The following COLGALT2 variants were observed in gnomAD, a reference collection of about 807,000 sequenced individuals.
COLGALT2 encodes collagen beta(1-O)galactosyltransferase 2.
In COLGALT2, 49 loss-of-function variants were observed where a neutral mutation model predicts 73.4. The ratio of observed to expected loss-of-function variants is 0.67; its 90% CI spans 0.53 to 0.85. The LOEUF is 0.85. Ranked by LOEUF, COLGALT2 falls within the 40% of genes least tolerant of loss-of-function variation. The pLI is 0.00. For synonymous variants in COLGALT2, 295 were observed against 307.6 expected (o/e 0.96, Z 0.43); for missense variants, 722 against 790.2 (o/e 0.91, Z 1.03).
intron 1 of COLGALT2, among the ~76,000 whole-genome samples, chr1:184,026,946 G>T (rs1353131460): frequency 6.6e-6 from 1 of 152,146 alleles, no homozygotes; most frequent in Non-Finnish European, 1.5e-5. Flanking sequence ...AAGATACACT[G>T]AAGAAAGAAT....
chr1:184,014,956 G>C (rs1168805494), intron 1 of COLGALT2, among the ~76,000 whole-genome samples: 6 of 152,136 alleles, frequency 3.9e-5, no homozygotes, highest in African/African-American at 1.4e-4. Flanking sequence ...AAGATCAGTG[G>C]GCAGCTGAGG....
intron 2 of COLGALT2, among the ~76,000 whole-genome samples, chr1:183,977,812 AAGAGAG>A (rs59481089): frequency 3.8e-5 from 2 of 52,434 alleles, no homozygotes; most frequent in Admixed American, 1.9e-4. Flanking sequence ...GAAAGAGAGA[AAGAGAG>A]AGAGAGAGAG....
At chr1:183,995,377 T>C (rs1671744197) in intron 1 of COLGALT2, among the ~76,000 whole-genome samples, 1 of 152,250 alleles carries the variant, frequency 6.6e-6, no homozygotes, top group Admixed American at 6.5e-5. Flanking sequence ...TGTCTGAACA[T>C]AGATGAACAA....
intron 8 of COLGALT2, among the ~76,000 whole-genome samples, chr1:183,947,279 C>T (rs920899017): frequency 6.6e-6 from 1 of 152,144 alleles, no homozygotes; most frequent in Non-Finnish European, 1.5e-5. Context: ...TTCCACCCAA[C>T]AATAGCCAAA....
At chr1:183,977,687 G>A (rs1305060817) in intron 2 of COLGALT2, among the ~76,000 whole-genome samples, 1 of 151,932 alleles carries the variant, frequency 6.6e-6, no homozygotes. Flanking sequence ...TACTCAGGAG[G>A]TTGAGTGAGG....
At chr1:183,960,914 T>A (rs1403481017) in intron 6 of COLGALT2, among the ~76,000 whole-genome samples, 1 of 152,210 alleles carries the variant, frequency 6.6e-6, no homozygotes, top group Admixed American at 6.5e-5. Context: ...AACAACACTA[T>A]TAGCAGCCAT....
At chr1:183,944,044 A>G (rs1670183449) in intron 10 of COLGALT2, 152 bp downstream of exon 10, 1 of 957,316 alleles carries the variant, frequency 1.0e-6, no homozygotes, top group Admixed American at 3.3e-5. Flanking sequence ...ACCTCTACCC[A>G]TTTTTATTTC....
At chr1:183,991,467 G>A (rs1160316078) in intron 1 of COLGALT2, among the ~76,000 whole-genome samples, 1 of 152,130 alleles carries the variant, frequency 6.6e-6, no homozygotes, top group Non-Finnish European at 1.5e-5. Context: ...ATTCAAAGCT[G>A]TTTTCCCACA....
chr1:183,947,113 GGAA>G (rs1670273428), intron 8 of COLGALT2, among the ~76,000 whole-genome samples: 1 of 152,032 alleles, frequency 6.6e-6, no homozygotes, highest in South Asian at 2.1e-4. Flanking sequence ...CCATGAAACT[GGAA>G]GAATTGAAAG....
intron 11 of COLGALT2, 64 bp from the exon 12 acceptor site, chr1:183,939,101 A>C: frequency 2.3e-6 from 3 of 1,278,688 alleles, no homozygotes; most frequent in Non-Finnish European, 3.3e-6. Context: ...AACAGGGACA[A>C]AGAGTGAAGG....
rs181957325 is a variant in COLGALT2, at chr1:183,938,689, C to T, written c.*72G>A. 1 of 1,557,414 alleles carries T rather than the reference C, an allele frequency of 6.4e-7. No individual in the cohort carries two copies. Among genetic ancestry groups the T allele is most frequent in the East Asian group, 2.3e-5 (1 of 44,374 alleles). ...AACAAAACAAAACAGAAAACTGGAG[C>T]AAACAGATGAATAGCCCTTTAGAAA... On this transcript the variant is annotated 3_prime_UTR_variant, in exon 12 of 12. Transcript: ENST00000361927.
intron 2 of COLGALT2, among the ~76,000 whole-genome samples, chr1:183,975,508 T>A (rs913738465): frequency 1.3e-5 from 2 of 152,192 alleles, no homozygotes; most frequent in African/African-American, 4.8e-5. Context: ...GATATCAGGG[T>A]AGAGCAGTTA....
chr1:183,950,930 C>T, intron 8 of COLGALT2, 77 bp downstream of exon 8: 1 of 1,082,186 alleles, frequency 9.2e-7, no homozygotes, highest in Non-Finnish European at 1.4e-6. Flanking sequence ...AGAGCCCCAC[C>T]TGGGACTAAC....
In COLGALT2 at chr1:183,962,833, A is replaced by C. The variant is rs139062512; in HGVS notation, c.952+1068T>G. 1.9e-3 allele frequency among the ~76,000 whole-genome samples: 282 copies of C among 152,270 alleles called. 1 individual carries two copies. Among genetic ancestry groups the C allele is most frequent in the African/African-American group, 6.6e-3 (276 of 41,560 alleles). On this transcript the variant is annotated intron_variant, in intron 6 of 11. Coordinates refer to ENST00000361927, the MANE Select transcript of COLGALT2 (RefSeq NM_015101.4). ...CCTTTCTAAATCCAAATTCAACCTG[A>C]CATTTCTGTGCTAAAATCTTTTTGA... is the stretch of plus-strand genomic sequence containing the variant.
intron 1 of COLGALT2, among the ~76,000 whole-genome samples, chr1:184,016,165 T>A (rs1648994599): frequency 6.6e-6 from 1 of 152,220 alleles, no homozygotes; most frequent in Admixed American, 6.5e-5. Flanking sequence ...AATTTTTCAC[T>A]TTGATTATAA....
chr1:183,945,587 G>A, intron 8 of COLGALT2, 23 bp from the exon 9 acceptor site: 1 of 1,612,812 alleles, frequency 6.2e-7, no homozygotes, highest in Non-Finnish European at 8.5e-7. Flanking sequence ...AAACACGTCT[G>A]GAGATTAACA....
intron 4 of COLGALT2, among the ~76,000 whole-genome samples, chr1:183,970,686 G>GT (rs1227169274): frequency 2.0e-5 from 3 of 152,124 alleles, no homozygotes; most frequent in Non-Finnish European, 2.9e-5. Flanking sequence ...TTGAGCCTGA[G>GT]TTTTTTCTCC....
At chr1:183,983,330 G>A (rs984894561) in intron 1 of COLGALT2, among the ~76,000 whole-genome samples, 15 of 152,142 alleles carry the variant, frequency 9.9e-5, no homozygotes, top group Non-Finnish European at 1.8e-4. Context: ...GGTGGTCCCC[G>A]CTTAAGACTA....
At chr1:184,010,511 C>T (rs1672205888) in intron 1 of COLGALT2, among the ~76,000 whole-genome samples, 1 of 152,216 alleles carries the variant, frequency 6.6e-6, no homozygotes, top group African/African-American at 2.4e-5. Context: ...ACTCCAAAGA[C>T]ATCATGGTGA....
Sources: allele counts gnomAD v4.1 joint callset (sites outside exome capture counted in the v4.1 genomes callset), GRCh38; gene constraint gnomAD v4.1.1; transcripts MANE v1.5; gene names NCBI Gene and HGNC (gene_info 2026-07-23, HGNC 2026-07-21).